Variants in SPAG1 observed in about 807,000 individuals in gnomAD.
SPAG1 encodes the protein sperm-associated antigen 1.
Under a neutral mutation model 100.5 loss-of-function variants are expected in SPAG1, and 69 were observed. The ratio of observed to expected loss-of-function variants is 0.69; its 90% confidence interval spans 0.57 to 0.84. The LOEUF (loss-of-function observed/expected upper bound fraction) is 0.84, where lower values mean the gene tolerates loss of function less well. Among genes scored for constraint, SPAG1 ranks in the 40% least tolerant of loss-of-function variants. The probability of loss-of-function intolerance (pLI) is 0.00; values close to 1 mark genes in which losing one functional copy is unlikely to be tolerated. For missense variants in SPAG1, 955 were observed against 1,133.1 expected (o/e 0.84, Z 2.26); for synonymous variants, 336 against 411.6 (o/e 0.82, Z 2.22).
At chr8:100,186,727 G>A (rs1675595119) in intron 7 of SPAG1, among the ~76,000 whole-genome samples, 1 of 152,160 alleles carries the variant, frequency 6.6e-6, no homozygotes, top group Admixed American at 6.5e-5. Context: ...CACTTCTGGA[G>A]GCTGGAAGTT....
chr8:100,207,926 T>C (rs951326073), intron 10 of SPAG1, among the ~76,000 whole-genome samples: 7 of 152,146 alleles, frequency 4.6e-5, no homozygotes, highest in Non-Finnish European at 7.4e-5. Context: ...TTTGCAGGGC[T>C]GGGGCAAAGT....
At chr8:100,162,226 A>C (rs1250368580) in intron 1 of SPAG1, 53 bp from the exon 2 acceptor site, 6 of 1,388,298 alleles carry the variant, frequency 4.3e-6, no homozygotes, top group Non-Finnish European at 5.9e-6. Context: ...CCACTATCCA[A>C]ATTGAGTATT....
intron 13 of SPAG1, among the ~76,000 whole-genome samples, chr8:100,221,814 A>G (rs1818294664): frequency 6.6e-6 from 1 of 152,252 alleles, no homozygotes; most frequent in East Asian, 1.9e-4. Context: ...GTAGAAAATG[A>G]GAATGGTAAT....
intron 17 of SPAG1, 52 bp from the exon 18 acceptor site, chr8:100,240,351 A>T (rs531414093): frequency 6.6e-7 from 1 of 1,516,216 alleles, no homozygotes; most frequent in East Asian, 2.3e-5. Context: ...CTTAGGATGT[A>T]TGTGGTGATT....
intron 14 of SPAG1, among the ~76,000 whole-genome samples, chr8:100,227,654 T>A (rs1345531638): frequency 2.6e-5 from 4 of 152,102 alleles, no homozygotes; most frequent in Non-Finnish European, 5.9e-5. Context: ...ACAAGTATAA[T>A]CAGCTGTGTT....
rs1327354342 is a variant in SPAG1 at position 100,240,393 on chromosome 8, C to T, written c.2281-10C>T. 5 of 1,571,170 alleles carry T rather than the reference C, an allele frequency of 3.2e-6. No individual in the cohort carries two copies. The highest frequency in any genetic ancestry group is 2.0e-5 in the Admixed American group (1 of 48,834). On this transcript the variant is annotated splice_polypyrimidine_tract_variant and intron_variant, in intron 17 of 18. Coordinates refer to ENST00000388798, the MANE Select transcript of SPAG1 (RefSeq NM_003114.5). ...CAGTGTCACAATGCATTTTTCTTTTCTTCATGAAGGTGAATGAAGGCAAGG... is the reference window on the plus strand; with the variant it reads ...CAGTGTCACAATGCATTTTTCTTTTTTTCATGAAGGTGAATGAAGGCAAGG...
At chr8:100,225,406 A>T in intron 14 of SPAG1, 67 bp downstream of exon 14, 2 of 1,425,938 alleles carry the variant, frequency 1.4e-6, no homozygotes, top group Admixed American at 1.8e-5. Context: ...TTCACAGTAA[A>T]GCAGAGAGAT....
At chr8:100,193,134 T>A (rs1816883517) in intron 9 of SPAG1, among the ~76,000 whole-genome samples, 1 of 152,090 alleles carries the variant, frequency 6.6e-6, no homozygotes, top group Non-Finnish European at 1.5e-5. Flanking sequence ...ATTTAAAACA[T>A]ATACTTTTCA....
rs918324226 is a variant in SPAG1 at position 100,213,267 on chromosome 8, C to CGGCGGCGGCG, written c.1285_1294dup (p.Ala432GlyfsTer53). On this transcript the variant is annotated frameshift_variant, in exon 11 of 19. Transcript: ENST00000388798. LOFTEE classifies it high-confidence loss of function. Reference sequence around the variant, plus strand: ...CGGAGCCCACGGCGGGCCTCTGCGGCGGCGGCGGCGGGCGGCGGCGCCACC... The same window carrying CGGCGGCGGCG: ...CGGAGCCCACGGCGGGCCTCTGCGGCGGCGGCGGCGGGCGGCGGCGGGCGGCGGCGCCACC... The CGGCGGCGGCG allele has an allele frequency of 7.5e-5, 91 of 1,212,652 alleles. No individual in the cohort carries two copies. Among genetic ancestry groups the CGGCGGCGGCG allele is most frequent in the Non-Finnish European group, 9.2e-5 (90 of 978,506 alleles). The allele number at this position is 1,212,652 out of a possible 1,614,324, so 75.1% of individuals were successfully genotyped here.
Position 100,183,426 on chromosome 8 carries a change from G to T in SPAG1, c.478G>T (p.Glu160Ter). ...AAAGAAAACTCCAAGGGATTACGCG[G>T]AATGGGATAAGTATGTTTTACATGT... ...TKKKTPRDYA[E>*]WDKFDVEKEC... Residue 160 changes from glutamate to a stop codon, truncating the protein, a stop_gained, in exon 5 of 19, where the codon GAA (glutamate) becomes TAA (stop). Coordinates refer to ENST00000388798, the MANE Select transcript of SPAG1 (RefSeq NM_003114.5). LOFTEE classifies it high-confidence loss of function. 2.0e-6 allele frequency: 3 copies of T among 1,497,454 alleles called. No homozygotes were observed. Among genetic ancestry groups the T allele is most frequent in the Non-Finnish European group, 2.8e-6 (3 of 1,085,662 alleles). The allele number at this position is 1,497,454 out of a possible 1,614,324, so 92.8% of individuals were successfully genotyped here.
rs577247334 is a variant in SPAG1 at position 100,204,654 on chromosome 8, G to C, written c.1097-8436G>C. Among the ~76,000 whole-genome samples, 3 of 152,316 alleles carry C rather than the reference G, an allele frequency of 2.0e-5. No individual in the cohort carries two copies. In the East Asian group the frequency reaches 5.8e-4, roughly 29 times the overall value. On this transcript the variant is annotated intron_variant, in intron 10 of 18. Transcript: ENST00000388798. ...AGGGATCCAAAGGCTTAGGGAGATT[G>C]GGATGGTGAACTGGATTAGTCACTT...
intron 11 of SPAG1, 149 bp from the exon 12 acceptor site, chr8:100,213,670 G>T (rs555396700): frequency 1.0e-5 from 6 of 586,452 alleles, no homozygotes; most frequent in African/African-American, 7.7e-5. Context: ...CTTGGTGGCT[G>T]TTGCGGGTAG....
chr8:100,177,857 C>G lies in SPAG1; in HGVS notation c.342C>G (p.His114Gln). 6.3e-7 allele frequency: 1 copy of G among 1,581,902 alleles called. No individual in the cohort carries two copies. Among genetic ancestry groups the G allele is most frequent in the South Asian group, 1.1e-5 (1 of 90,284 alleles). The change falls in exon 4 of 19, where the codon CAC (histidine) becomes CAG (glutamine). Residue 114 changes from histidine (H) to glutamine (Q), a missense_variant. By Grantham distance (24) the His-to-Gln change is conservative. Transcript: ENST00000388798. ...TTAAAAAAGAAGAAGATAAAATGCA[C>G]TTTCATGAAACTGAGACATTTCCAG... ...SEIKKEEDKM[H>Q]FHETETFPAM...
intron 14 of SPAG1, among the ~76,000 whole-genome samples, chr8:100,230,368 G>A (rs1818712307): frequency 6.6e-6 from 1 of 152,220 alleles, no homozygotes. Context: ...TGAAGTGCTC[G>A]TGTACCACTG....
intron 6 of SPAG1, among the ~76,000 whole-genome samples, chr8:100,184,273 A>G (rs1247886166): frequency 6.6e-6 from 1 of 151,970 alleles, no homozygotes; most frequent in African/African-American, 2.4e-5. Context: ...ATATAAACCT[A>G]TTTTTCTTAC....
intron 10 of SPAG1, among the ~76,000 whole-genome samples, chr8:100,200,188 C>T (rs986605844): frequency 1.8e-4 from 27 of 152,280 alleles, no homozygotes; most frequent in Non-Finnish European, 1.9e-4. Context: ...TGAGTGAGAA[C>T]ATGCAGTGTT....
In SPAG1 at chr8:100,226,510, C is replaced by T. The variant is rs888597574; in HGVS notation, c.1855+1171C>T. On this transcript the variant is annotated intron_variant, in intron 14 of 18. Transcript: ENST00000388798. Reference sequence around the variant, plus strand: ...TTGAGCCCAGGAGTTCAAGACCAGCCGGGGCAATATGGCGAAACCCTATCT... The same window carrying T: ...TTGAGCCCAGGAGTTCAAGACCAGCTGGGGCAATATGGCGAAACCCTATCT... Among the ~76,000 whole-genome samples the T allele has an allele frequency of 6.6e-5, 10 of 152,016 alleles. No individual in the cohort carries two copies. In the South Asian group the frequency reaches 1.5e-3, roughly 22 times the overall value.
intron 13 of SPAG1, among the ~76,000 whole-genome samples, chr8:100,223,889 T>C (rs1481927076): frequency 6.6e-6 from 1 of 152,148 alleles, no homozygotes; most frequent in Non-Finnish European, 1.5e-5. Context: ...AAGATCACTA[T>C]GGAAATTTAA....
rs779602507 is a variant in SPAG1, at chr8:100,225,248, T to G, written c.1764T>G (p.Ala588=). The change falls in exon 14 of 19, where the codon GCT becomes GCG. Residue 588 remains alanine, a synonymous_variant. Coordinates refer to ENST00000388798, the MANE Select transcript of SPAG1 (RefSeq NM_003114.5). The part of the protein sequence containing the change: ...EKLSPIPAVP[A]SVPLQAWHPA... ...TGTCACCTATTCCTGCTGTGCCTGCTTCTGTGCCACTGCAAGCTTGGCATC... is the reference window on the plus strand; with the variant it reads ...TGTCACCTATTCCTGCTGTGCCTGCGTCTGTGCCACTGCAAGCTTGGCATC... 1.1e-5 allele frequency: 18 copies of G among 1,613,994 alleles called. No individual in the cohort carries two copies. Among genetic ancestry groups the G allele is most frequent in the Non-Finnish European group, 1.4e-5 (17 of 1,179,954 alleles).
Sources: gnomAD v4.1 joint callset for allele counts (sites outside exome capture counted in the v4.1 genomes callset) on GRCh38, gnomAD v4.1.1 for gene constraint, MANE v1.5 for transcripts, NCBI Gene and HGNC (gene_info 2026-07-23, HGNC 2026-07-21) for gene names.